Variants in OPCML observed in about 807,000 individuals in gnomAD.
OPCML encodes opioid binding protein/cell adhesion molecule like, also known as opioid-binding protein/cell adhesion molecule.
Under a neutral mutation model 37.8 loss-of-function variants are expected in OPCML, and 13 were observed. That is an observed-to-expected ratio of 0.34 (90% CI 0.22 to 0.55). The LOEUF is 0.55. Among genes scored for constraint, OPCML ranks in the 20% least tolerant of loss-of-function variants. The pLI is 0.91. For synonymous variants in OPCML, 176 were observed against 168.8 expected, an observed-to-expected ratio of 1.04 and a Z score of -0.33; for missense variants, 341 against 435.6, an observed-to-expected ratio of 0.78 and a Z score of 1.93.
intron 1 of OPCML, among the ~76,000 whole-genome samples, chr11:133,346,410 A>C (rs148380432): frequency 2.0e-5 from 3 of 152,226 alleles, no homozygotes; most frequent in Non-Finnish European, 2.9e-5. Flanking sequence ...TTTTGCTTTC[A>C]AAAGCAGAAG....
chr11:133,180,781 C>T (rs187943901), intron 1 of OPCML, among the ~76,000 whole-genome samples: 48 of 145,468 alleles, frequency 3.3e-4, no homozygotes, highest in African/African-American at 9.9e-4. Context: ...TCTGGAAAGA[C>T]GTCTGTACTC....
At chr11:132,778,286 G>GC (rs780648906) in intron 2 of OPCML, among the ~76,000 whole-genome samples, 1 of 152,156 alleles carries the variant, frequency 6.6e-6, no homozygotes, top group Non-Finnish European at 1.5e-5. Context: ...CACTGCACTG[G>GC]CCCCAGGCCA....
At chr11:132,540,585 T>C (rs2096353837) in intron 3 of OPCML, among the ~76,000 whole-genome samples, 1 of 152,202 alleles carries the variant, frequency 6.6e-6, no homozygotes, top group Admixed American at 6.5e-5. Flanking sequence ...TATGGTTTTA[T>C]TTTGTGCTGC....
At chr11:132,586,029 G>A (rs2096471854) in intron 3 of OPCML, among the ~76,000 whole-genome samples, 1 of 152,116 alleles carries the variant, frequency 6.6e-6, no homozygotes, top group South Asian at 2.1e-4. Flanking sequence ...AGGTGTGGGG[G>A]AGACAGCTGG....
chr11:132,650,468 C>T (rs897805838), intron 3 of OPCML, among the ~76,000 whole-genome samples: 14 of 152,080 alleles, frequency 9.2e-5, no homozygotes, highest in South Asian at 2.1e-4. Flanking sequence ...AAGGACATGA[C>T]GCCCAGAAAA....
intron 1 of OPCML, among the ~76,000 whole-genome samples, chr11:133,116,883 T>G (rs1175971429): frequency 6.6e-6 from 1 of 151,606 alleles, no homozygotes; most frequent in Non-Finnish European, 1.5e-5. Flanking sequence ...GATTATTGCC[T>G]GAATCAATTA....
intron 1 of OPCML, among the ~76,000 whole-genome samples, chr11:133,243,334 G>C (rs549573047): frequency 6.6e-6 from 1 of 152,210 alleles, no homozygotes; most frequent in Non-Finnish European, 1.5e-5. Context: ...TGGGTTTCCA[G>C]GTGAGTTAAC....
At chr11:133,219,968 G>A (rs1939748160) in intron 1 of OPCML, among the ~76,000 whole-genome samples, 1 of 152,224 alleles carries the variant, frequency 6.6e-6, no homozygotes, top group South Asian at 2.1e-4. Flanking sequence ...GATCCTGGCT[G>A]CAGAGATAGT....
intron 1 of OPCML, among the ~76,000 whole-genome samples, chr11:132,950,473 T>C (rs1313804812): frequency 2.6e-5 from 4 of 152,112 alleles, no homozygotes; most frequent in Non-Finnish European, 4.4e-5. Context: ...GAGGCAGGAA[T>C]TGAAGAATGA....
intron 3 of OPCML, among the ~76,000 whole-genome samples, chr11:132,605,582 A>AAAAT (rs563092431): frequency 1.6e-4 from 24 of 151,614 alleles, no homozygotes; most frequent in Non-Finnish European, 3.4e-4. Context: ...TAAATAAATA[A>AAAAT]AAATAAATAA....
At chr11:132,883,534 CA>C (rs1943296766) in intron 2 of OPCML, among the ~76,000 whole-genome samples, 1 of 152,058 alleles carries the variant, frequency 6.6e-6, no homozygotes. Context: ...CACAGGTATT[CA>C]AGGCATTTGG....
intron 1 of OPCML, among the ~76,000 whole-genome samples, chr11:133,337,725 A>G (rs1031413269): frequency 6.6e-6 from 1 of 152,208 alleles, no homozygotes; most frequent in South Asian, 2.1e-4. Context: ...AACTCAAAGT[A>G]AGAATACCTG....
In OPCML at chr11:133,094,791, G is replaced by A. The variant is rs192292861; in HGVS notation, c.62-151781C>T. On this transcript the variant is annotated intron_variant, in intron 1 of 7. Transcript: ENST00000524381. The stretch of plus-strand genomic sequence containing the variant: ...AAAGTTCTCTTGAGATGCTAGAAAT[G>A]AGTTTGCAATAACTGAGTCTTGAAG... 3.6e-4 allele frequency among the ~76,000 whole-genome samples: 55 copies of A among 152,254 alleles called. 1 individual carries two copies. The highest frequency in any genetic ancestry group is 1.3e-3 in the African/African-American group (53 of 41,578).
intron 1 of OPCML, among the ~76,000 whole-genome samples, chr11:133,188,769 A>G (rs1323317053): frequency 6.6e-6 from 1 of 152,178 alleles, no homozygotes; most frequent in Non-Finnish European, 1.5e-5. Flanking sequence ...AGATCTATAA[A>G]TTATCCTTGC....
chr11:133,118,180 G>A, intron 1 of OPCML: 2 of 952,502 alleles, frequency 2.1e-6, no homozygotes, highest in Non-Finnish European at 2.5e-6. Flanking sequence ...TGGTAGTGCA[G>A]TGCCTGTTTC....
chr11:133,260,245 C>T (rs887322370), intron 1 of OPCML, among the ~76,000 whole-genome samples: 1 of 150,920 alleles, frequency 6.6e-6, no homozygotes, highest in Non-Finnish European at 1.5e-5. Flanking sequence ...GGTGAGAAGC[C>T]GGGGGAGGGG....
intron 3 of OPCML, among the ~76,000 whole-genome samples, chr11:132,595,282 A>G (rs2096490759): frequency 6.6e-6 from 1 of 152,182 alleles, no homozygotes; most frequent in Non-Finnish European, 1.5e-5. Context: ...ATTAAAAAAT[A>G]TAGCACGTTG....
chr11:133,153,198 C>T (rs1243269181), intron 1 of OPCML, among the ~76,000 whole-genome samples: 2 of 152,082 alleles, frequency 1.3e-5, no homozygotes, highest in Non-Finnish European at 2.9e-5. Flanking sequence ...GAGACGGGAG[C>T]CTGCCCCGCA....
Position 132,529,076 on chromosome 11 carries a change from G to T in OPCML, c.490C>A (p.His164Asn). The T allele has an allele frequency of 6.2e-7, 1 of 1,611,434 alleles. No individual in the cohort carries two copies. The highest frequency in any genetic ancestry group is 8.5e-7 in the Non-Finnish European group (1 of 1,177,944). The stretch of plus-strand genomic sequence containing the variant: ...AGCACCTTACCCTTGACTGACAGGT[G>T]TCTCCATGTCACAGTTGGCTCTGGT... Reference protein sequence around the residue: ...GRPEPTVTWRHLSVKEGQGFV... With the variant: ...GRPEPTVTWRNLSVKEGQGFV... Residue 164 changes from histidine (H) to asparagine (N), a missense_variant, in exon 4 of 8, where the codon CAC becomes AAC. His to Asn is a moderately conservative substitution (Grantham distance 68, BLOSUM62 1). Coordinates refer to ENST00000524381, the MANE Select transcript of OPCML (RefSeq NM_001012393.5).
Sources: allele counts gnomAD v4.1 joint callset (sites outside exome capture counted in the v4.1 genomes callset), GRCh38; gene constraint gnomAD v4.1.1; transcripts MANE v1.5; gene names NCBI Gene and HGNC (gene_info 2026-07-23, HGNC 2026-07-21).